The following HTR4 variants were observed in gnomAD, a reference collection of about 807,000 sequenced individuals.
HTR4 encodes 5-hydroxytryptamine (serotonin) receptor 4, G protein-coupled.
HTR4 carries 16 observed loss-of-function variants against 36.8 expected under a neutral mutation model. The observed-to-expected ratio is 0.43, with a 90% CI of 0.29 to 0.66. The LOEUF (loss-of-function observed/expected upper bound fraction) is 0.66. HTR4 is among the 30% of genes least tolerant of loss of function. The pLI is 0.13. For missense variants in HTR4, 438 were observed against 490.9 expected (o/e 0.89, Z 1.02); for synonymous variants, 189 against 185.1 (o/e 1.02, Z -0.17).
chr5:148,489,682 A>G (rs1756325619), intron 6 of HTR4, among the ~76,000 whole-genome samples: 1 of 152,154 alleles, frequency 6.6e-6, no homozygotes, highest in Non-Finnish European at 1.5e-5. Context: ...TTTGTTTGGG[A>G]AAAGCTGACC....
At chr5:148,480,232 C>T (rs899520588), downstream of HTR4, among the ~76,000 whole-genome samples, 1 of 152,120 alleles carries the variant, frequency 6.6e-6, no homozygotes, top group Non-Finnish European at 1.5e-5. Flanking sequence ...CCTGTAGTCC[C>T]TTACTTTGTG....
chr5:148,581,193 AT>A (rs1341344491), intron 2 of HTR4, among the ~76,000 whole-genome samples: 1 of 151,656 alleles, frequency 6.6e-6, no homozygotes, highest in Non-Finnish European at 1.5e-5. Context: ...AAATCAGGTT[AT>A]TTGATTTTTT....
chr5:148,600,736 A>C (rs938686838), intron 2 of HTR4, among the ~76,000 whole-genome samples: 3 of 152,008 alleles, frequency 2.0e-5, no homozygotes, highest in Admixed American at 6.6e-5. Context: ...GGAGAAATGG[A>C]AAAGATCTTT....
At chr5:148,560,623 C>A (rs1760165134) in intron 2 of HTR4, among the ~76,000 whole-genome samples, 1 of 152,158 alleles carries the variant, frequency 6.6e-6, no homozygotes. Flanking sequence ...ATATGGCAAA[C>A]AATGCACCTG....
chr5:148,483,125 A>T lies in HTR4; in HGVS notation c.*78T>A. 1 of 1,602,060 alleles carries T rather than the reference A, an allele frequency of 6.2e-7. No individual in the cohort carries two copies. The highest frequency in any genetic ancestry group is 8.5e-7 in the Non-Finnish European group (1 of 1,172,950). On this transcript the variant is annotated 3_prime_UTR_variant, in exon 7 of 7. Coordinates refer to ENST00000377888, the MANE Select transcript of HTR4 (RefSeq NM_000870.7). ...CTCAGGTGAAGAGAATACCGGGTGC[A>T]GTCGCGCACAAGCAGCAGCTTAGGA...
intron 2 of HTR4, among the ~76,000 whole-genome samples, chr5:148,591,600 A>G (rs1277562638): frequency 6.6e-6 from 1 of 152,088 alleles, no homozygotes; most frequent in Non-Finnish European, 1.5e-5. Context: ...GGCAGTTGTA[A>G]ATGGGATTGC....
intron 2 of HTR4, among the ~76,000 whole-genome samples, chr5:148,590,744 T>C (rs1761532775): frequency 1.3e-5 from 2 of 152,142 alleles, no homozygotes; most frequent in South Asian, 4.1e-4. Flanking sequence ...TGATACGTAG[T>C]GTACAAATAT....
chr5:148,526,996 T>C (rs190245456), intron 4 of HTR4, among the ~76,000 whole-genome samples: 4 of 152,172 alleles, frequency 2.6e-5, no homozygotes, highest in Non-Finnish European at 4.4e-5. Flanking sequence ...CAATCACTTA[T>C]TGTATCTTTC....
At chr5:148,565,994 A>T (rs1581484873) in intron 2 of HTR4, among the ~76,000 whole-genome samples, 1 of 152,214 alleles carries the variant, frequency 6.6e-6, no homozygotes. Flanking sequence ...CCTTAAAAAC[A>T]TTCATGCTCC....
chr5:148,642,288 T>C (rs1753751127), intron 1 of HTR4, among the ~76,000 whole-genome samples: 1 of 152,180 alleles, frequency 6.6e-6, no homozygotes, highest in Admixed American at 6.5e-5. Flanking sequence ...CACCTGACCC[T>C]GCTACTGTCT....
chr5:148,495,974 C>T (rs542692840), intron 6 of HTR4, among the ~76,000 whole-genome samples: 4 of 152,100 alleles, frequency 2.6e-5, no homozygotes, highest in South Asian at 4.2e-4. Context: ...TGGTGGCTGG[C>T]GCCTGTAACC....
chr5:148,481,206 T>C (rs1417225472), downstream of HTR4, among the ~76,000 whole-genome samples: 1 of 152,146 alleles, frequency 6.6e-6, no homozygotes, highest in Non-Finnish European at 1.5e-5. Flanking sequence ...CACCTCAAAA[T>C]GGTGCTTGCC....
At chr5:148,607,915 T>G (rs1357060711) in intron 2 of HTR4, among the ~76,000 whole-genome samples, 1 of 152,154 alleles carries the variant, frequency 6.6e-6, no homozygotes, top group Non-Finnish European at 1.5e-5. Flanking sequence ...TACTTTCAAA[T>G]TTAATTTGGC....
At chr5:148,603,420 A>G (rs1212862063) in intron 2 of HTR4, among the ~76,000 whole-genome samples, 1 of 152,106 alleles carries the variant, frequency 6.6e-6, no homozygotes, top group African/African-American at 2.4e-5. Flanking sequence ...ATTTTACACA[A>G]AATACTATAC....
In HTR4 at chr5:148,642,615, C is replaced by A. The variant is rs1030087187; in HGVS notation, c.-47-5554G>T. 1.3e-5 allele frequency among the ~76,000 whole-genome samples: 2 copies of A among 152,156 alleles called. 1 individual carries two copies. Among genetic ancestry groups the A allele is most frequent in the South Asian group, 4.1e-4 (2 of 4,834 alleles). ...CAGGATCACACAAGCAAACAACCCA[C>A]AAGCAGTCTTACAAATTCCATGATG... On this transcript the variant is annotated intron_variant, in intron 1 of 6. Coordinates refer to ENST00000377888, the MANE Select transcript of HTR4 (RefSeq NM_000870.7).
chr5:148,603,617 T>A (rs1752016407), intron 2 of HTR4, among the ~76,000 whole-genome samples: 1 of 151,986 alleles, frequency 6.6e-6, no homozygotes, highest in Non-Finnish European at 1.5e-5. Context: ...GCTCTATACA[T>A]GAAAAATTTC....
intron 5 of HTR4, among the ~76,000 whole-genome samples, chr5:148,463,317 C>A (rs1964801): frequency 0.5 from 75,397 of 150,762 alleles, 19,528 homozygotes; most frequent in East Asian, 0.8. Context: ...GGACTACAGG[C>A]ATGCACCACC....
At chr5:148,591,309 G>C (rs1309004879) in intron 2 of HTR4, among the ~76,000 whole-genome samples, 1 of 151,956 alleles carries the variant, frequency 6.6e-6, no homozygotes, top group Non-Finnish European at 1.5e-5. Flanking sequence ...TTGGCTATTA[G>C]GGCTCTTTTT....
Position 148,636,991 on chromosome 5 carries a change from C to T in HTR4, c.24G>A (p.Val8=), listed in dbSNP as rs564322374. MDKLDAN[V]SSEEGFGSVE... The stretch of plus-strand genomic sequence containing the variant: ...ATATGTACAGAAAGGTAACATACCT[C>T]ACATTAGCATCAAGTTTGTCCATTA... Residue 8 remains valine, a splice_region_variant and synonymous_variant, in exon 2 of 7, where the codon GTG becomes GTA. Coordinates refer to ENST00000377888, the MANE Select transcript of HTR4 (RefSeq NM_000870.7). 6.3e-7 allele frequency: 1 copy of T among 1,589,830 alleles called. No homozygotes were observed. The highest frequency in any genetic ancestry group is 1.1e-5 in the South Asian group (1 of 90,254).
Sources: gnomAD v4.1 joint callset for allele counts (sites outside exome capture counted in the v4.1 genomes callset) on GRCh38, gnomAD v4.1.1 for gene constraint, MANE v1.5 for transcripts, NCBI Gene and HGNC (gene_info 2026-07-23, HGNC 2026-07-21) for gene names.